NTNG2: variants seen among roughly 807,000 people sequenced by gnomAD.
The protein encoded by NTNG2 is netrin G2.
NTNG2 carries 15 observed loss-of-function variants against 47.6 expected under a neutral mutation model. The observed-to-expected ratio is 0.32, with a 90% CI of 0.21 to 0.49. NTNG2 has a LOEUF of 0.49. Ranked by LOEUF, NTNG2 falls within the 20% of genes least tolerant of loss-of-function variation. The probability of loss-of-function intolerance (pLI) is 0.99; values close to 1 mark genes in which losing one functional copy is unlikely to be tolerated. For missense variants in NTNG2, 578 were observed against 764.6 expected, an observed-to-expected ratio of 0.76 and a Z score of 2.88; for synonymous variants, 307 against 324.6, an observed-to-expected ratio of 0.95 and a Z score of 0.58.
chr9:132,201,609 C>G (rs146343630), intron 3 of NTNG2, among the ~76,000 whole-genome samples: 4 of 152,182 alleles, frequency 2.6e-5, no homozygotes, highest in Admixed American at 2.6e-4. Context: ...GATTTTACAC[C>G]GATCCTGTTC....
rs1838695768 is a variant in NTNG2, at chr9:132,200,882, CT to C, written c.857+2274del. ...GAACTGGTGTCCAGACTTTCAGCCC[CT>C]GGGCATCTCCGTGACCTCTGCCCTC... On this transcript the variant is annotated intron_variant, in intron 3 of 7. Coordinates refer to ENST00000393229, the MANE Select transcript of NTNG2 (RefSeq NM_032536.4). Among the ~76,000 whole-genome samples, 4 of 152,364 alleles carry C rather than the reference CT, an allele frequency of 2.6e-5. No individual in the cohort carries two copies. In the Middle Eastern group the frequency reaches 0.01, roughly 389 times the overall value.
In NTNG2 at chr9:132,166,674, C is replaced by T. The variant is rs546214204; in HGVS notation, c.-158C>T. On this transcript the variant is annotated 5_prime_UTR_variant, in exon 2 of 8. Coordinates refer to ENST00000393229, the MANE Select transcript of NTNG2 (RefSeq NM_032536.4). ...GGCCTTTTGGAAACAACAAGTTCCT[C>T]GCTGTTTGCAAAGCTTCAGTGCTCG... 22 of 650,414 alleles carry T rather than the reference C, an allele frequency of 3.4e-5. No homozygotes were observed. Among genetic ancestry groups the T allele is most frequent in the Admixed American group, 1.9e-4 (7 of 37,488 alleles). 40.3% of individuals were successfully genotyped at this position (650,414 alleles called of 1,614,324 possible).
chr9:132,170,682 G>A (rs7857828), intron 2 of NTNG2, among the ~76,000 whole-genome samples: 30,849 of 152,042 alleles, frequency 0.2, 3,542 homozygotes, highest in African/African-American at 0.29. Context: ...CTAGCCACCC[G>A]AGACTCAGGG....
chr9:132,189,902 G>T (rs1837734452), intron 2 of NTNG2, among the ~76,000 whole-genome samples: 1 of 147,786 alleles, frequency 6.8e-6, no homozygotes, highest in South Asian at 2.4e-4. Context: ...GCCCGCCTCA[G>T]CCTCCCAAAG....
intron 2 of NTNG2, among the ~76,000 whole-genome samples, chr9:132,175,329 A>C (rs960953345): frequency 2.0e-4 from 31 of 152,330 alleles, no homozygotes; most frequent in African/African-American, 7.5e-4. Context: ...AGGAAGGATT[A>C]GGCCACAGGC....
chr9:132,174,531 G>T (rs1369729249), intron 2 of NTNG2, among the ~76,000 whole-genome samples: 4 of 152,184 alleles, frequency 2.6e-5, no homozygotes, highest in Non-Finnish European at 5.9e-5. Flanking sequence ...TCTGAAACTG[G>T]GCATGGCGCT....
At chr9:132,214,443 C>T (rs538190851) in intron 3 of NTNG2, among the ~76,000 whole-genome samples, 97 of 152,332 alleles carry the variant, frequency 6.4e-4, no homozygotes, top group African/African-American at 2.1e-3. Flanking sequence ...GGGCCTGCCA[C>T]GTTTCCCAGA....
At position 132,208,874 on chromosome 9, in the gene NTNG2, G is replaced by A. The variant is rs912841827; in HGVS notation, c.857+10265G>A. ...ACAGCCCGTCTCTCCAAGAACTCCC[G>A]TCCCGAGACCCCTGGAAGCCCCCAT... On this transcript the variant is annotated intron_variant, in intron 3 of 7. Transcript: ENST00000393229. The surrounding 1 kb of genome is among the most constrained non-coding windows in gnomAD (Gnocchi z 4.0). Among the ~76,000 whole-genome samples, 4 of 151,764 alleles carry A rather than the reference G, an allele frequency of 2.6e-5. No individual in the cohort carries two copies. Among genetic ancestry groups the A allele is most frequent in the Admixed American group, 1.3e-4 (2 of 15,258 alleles).
chr9:132,189,401 C>T (rs11243657), intron 2 of NTNG2, among the ~76,000 whole-genome samples: 64,840 of 151,340 alleles, frequency 0.43, 13,978 homozygotes, highest in East Asian at 0.48. Context: ...TGGAGAAGTA[C>T]GATTGGCTTA....
intron 2 of NTNG2, among the ~76,000 whole-genome samples, chr9:132,172,943 A>G: frequency 6.6e-6 from 1 of 151,952 alleles, no homozygotes; most frequent in East Asian, 1.9e-4. Flanking sequence ...GTTAGCCAGG[A>G]TGGTCTCGAT....
chr9:132,238,932 C>T (rs1374303297), intron 5 of NTNG2, 172 bp from the exon 6 acceptor site: 2 of 699,746 alleles, frequency 2.9e-6, no homozygotes, highest in East Asian at 5.4e-5. Flanking sequence ...GGAGGCCTCT[C>T]TCTTCCTGAA....
chr9:132,208,207 G>C lies in NTNG2; in HGVS notation c.857+9598G>C, dbSNP rs764292175. Among the ~76,000 whole-genome samples, 7 of 151,990 alleles carry C rather than the reference G, an allele frequency of 4.6e-5. No individual in the cohort carries two copies. The highest frequency in any genetic ancestry group is 1.0e-4 in the Non-Finnish European group (7 of 67,998). On this transcript the variant is annotated intron_variant, in intron 3 of 7. Transcript: ENST00000393229. This position sits in a 1 kb window ranked among gnomAD's most constrained non-coding sequence, Gnocchi z 4.0. ...GAGGGGGGCTTTGAAGGAGAAACCT[G>C]AAGGGGGAACGGGGGCACGGCATTT...
intron 7 of NTNG2, chr9:132,241,408 C>T: frequency 3.0e-6 from 1 of 334,990 alleles, no homozygotes; most frequent in South Asian, 4.0e-5. Context: ...GGCCGAGGGG[C>T]GGGTCCAAGA....
At chr9:132,200,627 T>A (rs1301583265) in intron 3 of NTNG2, among the ~76,000 whole-genome samples, 1 of 152,162 alleles carries the variant, frequency 6.6e-6, no homozygotes, top group African/African-American at 2.4e-5. Flanking sequence ...CAGCTTGTAT[T>A]TGCATTTTGT....
intron 2 of NTNG2, among the ~76,000 whole-genome samples, chr9:132,169,928 C>T (rs1835773680): frequency 6.6e-6 from 1 of 152,238 alleles, no homozygotes; most frequent in Non-Finnish European, 1.5e-5. Flanking sequence ...AAGATGCAGG[C>T]TGGGGGAGCT....
chr9:132,183,330 C>A (rs2131370608), intron 2 of NTNG2, among the ~76,000 whole-genome samples: 1 of 152,318 alleles, frequency 6.6e-6, no homozygotes, highest in East Asian at 1.9e-4. Context: ...CTCCTGGCCT[C>A]CCTTTGGCCT....
chr9:132,240,369 G>C (rs953874331), intron 6 of NTNG2, among the ~76,000 whole-genome samples: 1 of 152,198 alleles, frequency 6.6e-6, no homozygotes, highest in Non-Finnish European at 1.5e-5. Context: ...TCCACCCCGA[G>C]AGCCAGCACT....
intron 2 of NTNG2, among the ~76,000 whole-genome samples, chr9:132,186,814 G>A (rs1277053468): frequency 6.6e-6 from 1 of 152,260 alleles, no homozygotes; most frequent in Non-Finnish European, 1.5e-5. Flanking sequence ...TGGAGCCACT[G>A]CAGAGGGTCC....
chr9:132,171,826 C>T (rs901333565), intron 2 of NTNG2, among the ~76,000 whole-genome samples: 4 of 152,202 alleles, frequency 2.6e-5, no homozygotes, highest in Non-Finnish European at 2.9e-5. Context: ...CAGAGCTGAC[C>T]GGCCCGATGG....
Sources: gnomAD v4.1 joint callset for allele counts (sites outside exome capture counted in the v4.1 genomes callset) on GRCh38, gnomAD v4.1.1 for gene constraint, Gnocchi (gnomAD v3.1) non-coding constraint, MANE v1.5 for transcripts, NCBI Gene and HGNC (gene_info 2026-07-23, HGNC 2026-07-21) for gene names.